Variants in ARIH1 observed in about 807,000 individuals in gnomAD.
ARIH1 encodes the protein ariadne RBR E3 ubiquitin protein ligase 1.
ARIH1 carries 8 observed loss-of-function variants against 85.0 expected under a neutral mutation model. That is an observed-to-expected ratio of 0.09 (90% CI 0.06 to 0.17). ARIH1 has a LOEUF of 0.17. Ranked by LOEUF, ARIH1 falls within the 10% of genes least tolerant of loss-of-function variation. ARIH1 has a pLI of 1.00. For missense variants in ARIH1, 311 were observed against 718.1 expected (o/e 0.43, Z 6.48); for synonymous variants, 238 against 253.6 (o/e 0.94, Z 0.59).
At chr15:72,516,650 G>A (rs1326423514) in intron 1 of ARIH1, among the ~76,000 whole-genome samples, 1 of 152,194 alleles carries the variant, frequency 6.6e-6, no homozygotes, top group Non-Finnish European at 1.5e-5. Flanking sequence ...TTAGCAAAAT[G>A]TACTAAGGTG....
At chr15:72,524,093 C>T (rs1353368294) in intron 2 of ARIH1, among the ~76,000 whole-genome samples, 9 of 151,618 alleles carry the variant, frequency 5.9e-5, no homozygotes, top group Admixed American at 5.9e-4. Flanking sequence ...ACTACAGGCG[C>T]CTGCCACCAT....
At chr15:72,520,287 A>G (rs960924358) in intron 2 of ARIH1, among the ~76,000 whole-genome samples, 3 of 151,924 alleles carry the variant, frequency 2.0e-5, no homozygotes, top group African/African-American at 7.3e-5. Flanking sequence ...TCAATATGCA[A>G]TATCTTTTTG....
At chr15:72,552,873 C>G (rs1024040829) in intron 3 of ARIH1, among the ~76,000 whole-genome samples, 5 of 151,428 alleles carry the variant, frequency 3.3e-5, no homozygotes, top group African/African-American at 9.7e-5. Context: ...CTCCTAGGTT[C>G]AAGCGATTCT....
chr15:72,592,146 A>T lies in ARIH1; in HGVS notation c.*8854A>T, dbSNP rs964086645. 1 of 152,262 alleles carries T rather than the reference A, an allele frequency of 6.6e-6. No homozygotes were observed. Among genetic ancestry groups the T allele is most frequent in the African/African-American group, 2.4e-5 (1 of 41,474 alleles). The allele number at this position is 152,262 out of a possible 1,614,324, so 9.4% of individuals were successfully genotyped here. On this transcript the variant is annotated 3_prime_UTR_variant, in exon 14 of 14. Coordinates refer to ENST00000379887, the MANE Select transcript of ARIH1 (RefSeq NM_005744.5). Reference sequence around the variant, plus strand: ...TAAGTGCTGTACTTTAAGGAAGTCCATGTACAAGCCAGTGCCTTAACAATG... The same window carrying T: ...TAAGTGCTGTACTTTAAGGAAGTCCTTGTACAAGCCAGTGCCTTAACAATG...
chr15:72,489,716 G>A (rs1028971046), intron 1 of ARIH1, among the ~76,000 whole-genome samples: 1 of 152,110 alleles, frequency 6.6e-6, no homozygotes, highest in African/African-American at 2.4e-5. Flanking sequence ...CCTACCCTGG[G>A]CAGGTTTCCA....
chr15:72,506,455 T>G (rs1288077530), intron 1 of ARIH1, among the ~76,000 whole-genome samples: 1 of 151,930 alleles, frequency 6.6e-6, no homozygotes, highest in South Asian at 2.1e-4. Flanking sequence ...TTTCAGCCAA[T>G]TGTAATATGG....
chr15:72,543,900 C>T (rs986062920), intron 2 of ARIH1, among the ~76,000 whole-genome samples: 1 of 150,634 alleles, frequency 6.6e-6, no homozygotes, highest in Non-Finnish European at 1.5e-5. Context: ...TAAGCTGTTT[C>T]AGGAGGCCAG....
chr15:72,535,907 TA>T (rs953191464), intron 2 of ARIH1, among the ~76,000 whole-genome samples: 1 of 152,188 alleles, frequency 6.6e-6, no homozygotes, highest in Non-Finnish European at 1.5e-5. Flanking sequence ...TTTGAAAAAG[TA>T]ATACAATCTT....
At chr15:72,504,597 T>A (rs2063917098) in intron 1 of ARIH1, among the ~76,000 whole-genome samples, 1 of 152,278 alleles carries the variant, frequency 6.6e-6, no homozygotes, top group Admixed American at 6.5e-5. Flanking sequence ...GCTTCTCTCG[T>A]TCGTCTTTAT....
At chr15:72,475,280 G>A in intron 1 of ARIH1, 1 of 609,258 alleles carries the variant, frequency 1.6e-6, no homozygotes, top group South Asian at 3.2e-5. Context: ...GCCTTCTCTT[G>A]CGGGCAATTT....
At chr15:72,514,677 C>T (rs936104802) in intron 1 of ARIH1, among the ~76,000 whole-genome samples, 6 of 151,300 alleles carry the variant, frequency 4.0e-5, no homozygotes, top group African/African-American at 7.3e-5. Context: ...GCACTCCATC[C>T]TGGACGACAA....
In ARIH1 at chr15:72,474,423, C is replaced by T. The variant is rs1286430023; in HGVS notation, c.-217C>T. 3 of 596,370 alleles carry T rather than the reference C, an allele frequency of 5.0e-6. No homozygotes were observed. Among genetic ancestry groups the T allele is most frequent in the African/African-American group, 4.0e-5 (2 of 50,398 alleles). 36.9% of individuals were successfully genotyped at this position (596,370 alleles called of 1,614,324 possible). ...GCGTCTGACTGAGGCGGGCAGCAAG[C>T]GGCCCCCTCGCTCCCTCCCTCCCTC... is the stretch of plus-strand genomic sequence containing the variant. On this transcript the variant is annotated 5_prime_UTR_variant, in exon 1 of 14. Coordinates refer to ENST00000379887, the MANE Select transcript of ARIH1 (RefSeq NM_005744.5).
At chr15:72,536,860 A>G (rs1231020155) in intron 2 of ARIH1, among the ~76,000 whole-genome samples, 1 of 152,194 alleles carries the variant, frequency 6.6e-6, no homozygotes, top group East Asian at 1.9e-4. Context: ...AGATTTTATT[A>G]CAATGCTGTT....
At chr15:72,507,636 C>A (rs2063931592) in intron 1 of ARIH1, among the ~76,000 whole-genome samples, 1 of 151,990 alleles carries the variant, frequency 6.6e-6, no homozygotes, top group Admixed American at 6.6e-5. Flanking sequence ...GAATTTGAGA[C>A]CAGCCTGGGC....
chr15:72,505,001 T>A (rs2063918812), intron 1 of ARIH1, among the ~76,000 whole-genome samples: 1 of 152,186 alleles, frequency 6.6e-6, no homozygotes, highest in Non-Finnish European at 1.5e-5. Context: ...CATTAAGTAT[T>A]TAATCATATC....
rs2063911821 is a variant in ARIH1 at position 72,503,426 on chromosome 15, A to G, written c.376-14641A>G. Reference sequence around the variant, plus strand: ...CTGATTCAAGCTTTCCAATCCTTGGATCACAGTTATCTGCCATGTGTTCTT... The same window carrying G: ...CTGATTCAAGCTTTCCAATCCTTGGGTCACAGTTATCTGCCATGTGTTCTT... On this transcript the variant is annotated intron_variant, in intron 1 of 13. Transcript: ENST00000379887. Among the ~76,000 whole-genome samples the G allele has an allele frequency of 2.0e-5, 3 of 152,304 alleles. 1 individual carries two copies. In the South Asian group the frequency reaches 6.2e-4, roughly 32 times the overall value.
intron 2 of ARIH1, among the ~76,000 whole-genome samples, 164 bp from the exon 3 acceptor site, chr15:72,544,656 A>G (rs930960896): frequency 3.3e-5 from 5 of 152,140 alleles, no homozygotes; most frequent in African/African-American, 7.2e-5. Context: ...TTTATTTGCT[A>G]TAATTTGTAC....
rs1346623027 is a variant in ARIH1, at chr15:72,586,588, T to TA, written c.*3302dup. On this transcript the variant is annotated 3_prime_UTR_variant, in exon 14 of 14. Transcript: ENST00000379887. ...AGTTACTTATGTTTATTTTTATAGT[T>TA]AAAAAATGACTAAAGGTGGCTAATA... is the stretch of plus-strand genomic sequence containing the variant. 4 of 152,198 alleles carry TA rather than the reference T, an allele frequency of 2.6e-5. No individual in the cohort carries two copies. Among genetic ancestry groups the TA allele is most frequent in the Non-Finnish European group, 5.9e-5 (4 of 68,026 alleles). The allele number at this position is 152,198 out of a possible 1,614,324, so 9.4% of individuals were successfully genotyped here. A position where few individuals can be genotyped will look rare whatever the true frequency, so the allele number is the denominator to read the frequency against.
chr15:72,545,042 G>A, intron 3 of ARIH1, 78 bp downstream of exon 3: 1 of 1,343,098 alleles, frequency 7.4e-7, no homozygotes, highest in African/African-American at 1.4e-5. Flanking sequence ...TTAAACAAAG[G>A]AAAATTTGTG....
Sources: gnomAD v4.1 joint callset for allele counts (sites outside exome capture counted in the v4.1 genomes callset) on GRCh38, gnomAD v4.1.1 for gene constraint, MANE v1.5 for transcripts, NCBI Gene and HGNC (gene_info 2026-07-23, HGNC 2026-07-21) for gene names.